Variants in GALNT9 observed in about 807,000 individuals in gnomAD.
The protein encoded by GALNT9 is polypeptide N-acetylgalactosaminyltransferase 9.
Under a neutral mutation model 63.1 loss-of-function variants are expected in GALNT9, and 47 were observed. That is an observed-to-expected ratio of 0.75 (90% confidence interval 0.59 to 0.95). GALNT9 has a LOEUF of 0.95. GALNT9 is among the 40% of genes least tolerant of loss of function. The pLI, the probability that GALNT9 is intolerant of heterozygous loss-of-function variation, is 0.00. For synonymous variants in GALNT9, 396 were observed against 365.7 expected (o/e 1.08, Z -0.94); for missense variants, 829 against 874.8 (o/e 0.95, Z 0.66).
At chr12:132,208,949 C>G (rs1876837833) in intron 6 of GALNT9, among the ~76,000 whole-genome samples, 1 of 152,144 alleles carries the variant, frequency 6.6e-6, no homozygotes, top group Non-Finnish European at 1.5e-5. Context: ...GAGTTGATAC[C>G]CCTGTCTTGG....
At position 132,267,755 on chromosome 12, in the gene GALNT9, TCA is replaced by T. The variant is rs782709970; in HGVS notation, c.420-5132_420-5131del. On this transcript the variant is annotated intron_variant, in intron 2 of 10. Transcript: ENST00000328957. ...TGGGGAAATACACAAGCACACACAC[TCA>T]CACACACATGCACTCACACACACGC... Among the ~76,000 whole-genome samples, 23 of 128,226 alleles carry T rather than the reference TCA, an allele frequency of 1.8e-4. No individual in the cohort carries two copies. The East Asian group carries it at 1.9e-3, about 11-fold the overall frequency. 84.1% of individuals were successfully genotyped at this position (128,226 alleles called of 152,430 possible). A position where few individuals can be genotyped will look rare whatever the true frequency, so the allele number is the denominator to read the frequency against.
chr12:132,218,110 C>G (rs1375406237), intron 6 of GALNT9, among the ~76,000 whole-genome samples: 1 of 152,118 alleles, frequency 6.6e-6, no homozygotes, highest in African/African-American at 2.4e-5. Flanking sequence ...CATTTGCCCA[C>G]CTAGCGACCA....
At chr12:132,200,285 C>T (rs1020825392) in intron 8 of GALNT9, among the ~76,000 whole-genome samples, 4 of 152,190 alleles carry the variant, frequency 2.6e-5, no homozygotes, top group Admixed American at 6.5e-5. Flanking sequence ...CACCCCATCC[C>T]CTGCACAGAC....
chr12:132,296,442 A>G lies in GALNT9; in HGVS notation c.239-10012T>C, dbSNP rs1365247463. ...TGTCTTCCTGGGCTGCGTGATATCA[A>G]TCCCAAGTTTTCCTCTTTGAAATCC... On this transcript the variant is annotated intron_variant, in intron 1 of 10. Transcript: ENST00000328957. This position sits in a 1 kb window ranked among gnomAD's most constrained non-coding sequence, Gnocchi z 4.2. Among the ~76,000 whole-genome samples the G allele has an allele frequency of 6.6e-6, 1 of 152,228 alleles. No individual in the cohort carries two copies. Among genetic ancestry groups the G allele is most frequent in the Non-Finnish European group, 1.5e-5 (1 of 68,040 alleles).
intron 5 of GALNT9, among the ~76,000 whole-genome samples, chr12:132,251,693 C>T (rs1555238591): frequency 6.6e-6 from 1 of 152,136 alleles, no homozygotes; most frequent in East Asian, 1.9e-4. Flanking sequence ...GCTCTGCAAG[C>T]TGGAGGGCCC....
intron 1 of GALNT9, among the ~76,000 whole-genome samples, chr12:132,306,412 G>A (rs1019265182): frequency 6.6e-6 from 1 of 152,358 alleles, no homozygotes; most frequent in African/African-American, 2.4e-5. Context: ...GGGGCGCCCC[G>A]GAGCCATGCA....
chr12:132,275,745 C>G (rs781792521), intron 2 of GALNT9: 4 of 152,332 alleles, frequency 2.6e-5, no homozygotes, highest in Non-Finnish European at 5.9e-5. Flanking sequence ...CTGCGATCGG[C>G]GCGTGCCCTT....
At chr12:132,292,063 C>T (rs1880881180) in intron 1 of GALNT9, among the ~76,000 whole-genome samples, 1 of 152,262 alleles carries the variant, frequency 6.6e-6, no homozygotes, top group Admixed American at 6.5e-5. Context: ...GGGTTGCACC[C>T]TGGAGACCTC....
In GALNT9 at chr12:132,236,748, C is replaced by T. The variant is rs2135528233; in HGVS notation, c.1077+11162G>A. On this transcript the variant is annotated intron_variant, in intron 6 of 10. Coordinates refer to ENST00000328957, the MANE Select transcript of GALNT9 (RefSeq NM_001122636.2). The surrounding 1 kb of genome is among the most constrained non-coding windows in gnomAD (Gnocchi z 5.6). ...GGCCAGCCACGCCTCCTGGGGGTCT[C>T]CCGTGTCTAAGTCTTGCTGTGCCCC... 6.6e-6 allele frequency among the ~76,000 whole-genome samples: 1 copy of T among 152,296 alleles called. No homozygotes were observed.
At chr12:132,200,010 G>T (rs1156540358) in intron 8 of GALNT9, among the ~76,000 whole-genome samples, 1 of 152,216 alleles carries the variant, frequency 6.6e-6, no homozygotes, top group East Asian at 1.9e-4. Flanking sequence ...GGCTGCTCTG[G>T]GTTGGGGGTG....
intron 7 of GALNT9, 89 bp downstream of exon 7, chr12:132,203,416 C>T (rs1876346238): frequency 2.3e-6 from 3 of 1,287,966 alleles, no homozygotes; most frequent in Non-Finnish European, 3.3e-6. Flanking sequence ...GCAGGGGGCC[C>T]TAGGGGGCCT....
At position 132,235,439 on chromosome 12, in the gene GALNT9, A is replaced by T. The variant is rs983553706; in HGVS notation, c.1077+12471T>A. Among the ~76,000 whole-genome samples, 4 of 151,958 alleles carry T rather than the reference A, an allele frequency of 2.6e-5. No individual in the cohort carries two copies. In the East Asian group the frequency reaches 7.7e-4, roughly 29 times the overall value. ...ACAGGAGGAGAGAGCAGAGGGAGAG[A>T]GTGTTGGGGGGCACCGGCTGCGGGA... On this transcript the variant is annotated intron_variant, in intron 6 of 10. Coordinates refer to ENST00000328957, the MANE Select transcript of GALNT9 (RefSeq NM_001122636.2).
At position 132,286,171 on chromosome 12, in the gene GALNT9, CA is replaced by C. The variant is rs1880580030; in HGVS notation, c.419+78del. On this transcript the variant is annotated intron_variant, in intron 2 of 10. Transcript: ENST00000328957. This position sits in a 1 kb window ranked among gnomAD's most constrained non-coding sequence, Gnocchi z 7.4. ...TCACTTCCCCGGCCGGCGTGGGGGG[CA>C]GTCACTTCCCTGGCCAGTGTGGGGG... 10 of 1,405,014 alleles carry C rather than the reference CA, an allele frequency of 7.1e-6. No individual in the cohort carries two copies. Among genetic ancestry groups the C allele is most frequent in the Non-Finnish European group, 8.5e-6 (9 of 1,062,026 alleles). 87.0% of individuals were successfully genotyped at this position (1,405,014 alleles called of 1,614,324 possible). A position where few individuals can be genotyped will look rare whatever the true frequency, so the allele number is the denominator to read the frequency against.
At position 132,197,775 on chromosome 12, in the gene GALNT9, C is replaced by T. The variant is rs765385086; in HGVS notation, c.1665+17G>A. On this transcript the variant is annotated intron_variant, in intron 10 of 10. Coordinates refer to ENST00000328957, the MANE Select transcript of GALNT9 (RefSeq NM_001122636.2). ...GCCCCGCCCCAACCCCACGGCCCCCCTTCCCCAGAGGCTGACCTGGGTGAA... is the reference window on the plus strand; with the variant it reads ...GCCCCGCCCCAACCCCACGGCCCCCTTTCCCCAGAGGCTGACCTGGGTGAA... 1 of 1,530,620 alleles carries T rather than the reference C, an allele frequency of 6.5e-7. No individual in the cohort carries two copies. The highest frequency in any genetic ancestry group is 8.9e-7 in the Non-Finnish European group (1 of 1,127,980). 94.8% of individuals were successfully genotyped at this position (1,530,620 alleles called of 1,614,324 possible).
intron 4 of GALNT9, among the ~76,000 whole-genome samples, chr12:132,260,463 C>T (rs1178941928): frequency 6.6e-6 from 1 of 152,068 alleles, no homozygotes; most frequent in African/African-American, 2.4e-5. Flanking sequence ...ACTTCCCACG[C>T]CCCTTGCACT....
At chr12:132,202,880 A>T (rs1050084218) in intron 7 of GALNT9, among the ~76,000 whole-genome samples, 2 of 152,200 alleles carry the variant, frequency 1.3e-5, no homozygotes, top group Non-Finnish European at 2.9e-5. Flanking sequence ...ATTACAAATT[A>T]GAAAACAAAC....
chr12:132,329,236 G>T lies in GALNT9; in HGVS notation c.-33C>A. On this transcript the variant is annotated 5_prime_UTR_variant, in exon 1 of 11. Transcript: ENST00000328957. Reference sequence around the variant, plus strand: ...GCTGCAGCGGGGGCCTCACCCGCGGGGCATCCCCAGCATCCCCGCCCGGGC... The same window carrying T: ...GCTGCAGCGGGGGCCTCACCCGCGGTGCATCCCCAGCATCCCCGCCCGGGC... 6.5e-7 allele frequency: 1 copy of T among 1,527,888 alleles called. No homozygotes were observed. Among genetic ancestry groups the T allele is most frequent in the South Asian group, 1.2e-5 (1 of 82,498 alleles). The allele number at this position is 1,527,888 out of a possible 1,614,324, so 94.6% of individuals were successfully genotyped here. A position where few individuals can be genotyped will look rare whatever the true frequency, so the allele number is the denominator to read the frequency against.
chr12:132,268,540 G>T (rs1879742159), intron 2 of GALNT9, among the ~76,000 whole-genome samples: 1 of 152,098 alleles, frequency 6.6e-6, no homozygotes, highest in Admixed American at 6.5e-5. Flanking sequence ...AAAACAAAAT[G>T]GATAAATTGG....
rs1388113486 is a variant in GALNT9, at chr12:132,286,525, C to T, written c.239-95G>A. ...CTCCCGCCCCTCTCCCCGACGGCCG[C>T]TTCCCCCGGTACAAGCCCAGCAAAC... On this transcript the variant is annotated intron_variant, in intron 1 of 10. Transcript: ENST00000328957. This position sits in a 1 kb window ranked among gnomAD's most constrained non-coding sequence, Gnocchi z 7.4. 1 of 1,447,102 alleles carries T rather than the reference C, an allele frequency of 6.9e-7. No individual in the cohort carries two copies. Among genetic ancestry groups the T allele is most frequent in the Non-Finnish European group, 9.1e-7 (1 of 1,102,266 alleles). 89.6% of individuals were successfully genotyped at this position (1,447,102 alleles called of 1,614,324 possible). A position where few individuals can be genotyped will look rare whatever the true frequency, so the allele number is the denominator to read the frequency against.
Sources: gnomAD v4.1 joint callset for allele counts (sites outside exome capture counted in the v4.1 genomes callset) on GRCh38, gnomAD v4.1.1 for gene constraint, Gnocchi (gnomAD v3.1) non-coding constraint, MANE v1.5 for transcripts, NCBI Gene and HGNC (gene_info 2026-07-23, HGNC 2026-07-21) for gene names.